PCDHGB5: variants seen among roughly 807,000 people sequenced by gnomAD.
PCDHGB5 encodes the protein protocadherin gamma-B5.
PCDHGB5 carries 48 observed loss-of-function variants against 62.9 expected under a neutral mutation model. The ratio of observed to expected loss-of-function variants is 0.76; its 90% CI spans 0.61 to 0.97. The LOEUF is 0.97. Among genes scored for constraint, PCDHGB5 ranks in the 50% least tolerant of loss-of-function variants. PCDHGB5 has a pLI of 0.00. For synonymous variants in PCDHGB5, 474 were observed against 511.2 expected (o/e 0.93, Z 0.98); for missense variants, 1,118 against 1,198.6 (o/e 0.93, Z 0.99).
At chr5:141,410,142 G>C in intron 1 of PCDHGB5, 1 of 1,612,730 alleles carries the variant, frequency 6.2e-7, no homozygotes, top group African/African-American at 1.3e-5. Context: ...GTCGCTGTGC[G>C]TGACGGTGGA....
chr5:141,486,706 C>T lies in PCDHGB5; in HGVS notation c.2398-8101C>T. 1.2e-6 allele frequency: 2 copies of T among 1,614,154 alleles called. No homozygotes were observed. Among genetic ancestry groups the T allele is most frequent in the Admixed American group, 1.7e-5 (1 of 60,020 alleles). On this transcript the variant is annotated intron_variant, in intron 1 of 3. Transcript: ENST00000617380. This position sits in a 1 kb window ranked among gnomAD's most constrained non-coding sequence, Gnocchi z 5.0. ...CAGCTTCCTCTTTCATCTCTCTGAACCCCCAGACAGGAGCTGTTCATGCTA... is the reference window on the plus strand; with the variant it reads ...CAGCTTCCTCTTTCATCTCTCTGAATCCCCAGACAGGAGCTGTTCATGCTA...
At chr5:141,433,207 TC>T (rs780557883) in intron 1 of PCDHGB5, 10 of 1,568,868 alleles carry the variant, frequency 6.4e-6, no homozygotes, top group African/African-American at 1.4e-5. Flanking sequence ...AAATCTTCTT[TC>T]TTTTTTTTTT....
At position 141,476,513 on chromosome 5, in the gene PCDHGB5, C is replaced by T; in HGVS notation, c.2398-18294C>T. 1 of 1,614,196 alleles carries T rather than the reference C, an allele frequency of 6.2e-7. No individual in the cohort carries two copies. Among genetic ancestry groups the T allele is most frequent in the Non-Finnish European group, 8.5e-7 (1 of 1,180,034 alleles). On this transcript the variant is annotated intron_variant, in intron 1 of 3. Coordinates refer to ENST00000617380, the MANE Select transcript of PCDHGB5 (RefSeq NM_018925.3). The surrounding 1 kb of genome is among the most constrained non-coding windows in gnomAD (Gnocchi z 7.6). ...GATCCAGGACATCAACGACAACAAT[C>T]CTGCTTTCCCTACCCAGGAAATGAA...
rs758205179 is a variant in PCDHGB5 at position 141,477,813 on chromosome 5, A to G, written c.2398-16994A>G. ...ACTGATCGCAATGACAATGCCCCCC[A>G]GGTCCTATATCCTCGGCCAGGTGGG... On this transcript the variant is annotated intron_variant, in intron 1 of 3. Transcript: ENST00000617380. This position sits in a 1 kb window ranked among gnomAD's most constrained non-coding sequence, Gnocchi z 4.9. The G allele has an allele frequency of 8.1e-6, 13 of 1,614,002 alleles. No homozygotes were observed. The East Asian group carries it at 2.7e-4, about 33-fold the overall frequency.
chr5:141,422,809 G>A (rs1169197801), intron 1 of PCDHGB5: 8 of 1,614,232 alleles, frequency 5.0e-6, no homozygotes, highest in Non-Finnish European at 6.8e-6. Context: ...GCAGTTTCGA[G>A]ACTTAGAACT....
intron 1 of PCDHGB5, chr5:141,411,396 C>G (rs985023346): frequency 2.1e-5 from 3 of 145,420 alleles, no homozygotes; most frequent in African/African-American, 5.1e-5. Context: ...ATAGGGAGAC[C>G]CCCCATCTCT....
Position 141,489,079 on chromosome 5 carries a change from C to CCCCA in PCDHGB5, c.2398-5727_2398-5726insCCAC. ...CTCCCCTCCCCCCTGCCCACCCCCGCCACTCGGTGACTAAGAACTGCTGCA... is the reference window on the plus strand; with the variant it reads ...CTCCCCTCCCCCCTGCCCACCCCCGCCCCACACTCGGTGACTAAGAACTGCTGCA... On this transcript the variant is annotated intron_variant, in intron 1 of 3. Transcript: ENST00000617380. This position sits in a 1 kb window ranked among gnomAD's most constrained non-coding sequence, Gnocchi z 4.5. The CCCCA allele has an allele frequency of 9.1e-6, 3 of 329,992 alleles. No homozygotes were observed. Among genetic ancestry groups the CCCCA allele is most frequent in the African/African-American group, 2.4e-5 (1 of 41,312 alleles). The allele number at this position is 329,992 out of a possible 1,614,324, so 20.4% of individuals were successfully genotyped here.
intron 1 of PCDHGB5, among the ~76,000 whole-genome samples, chr5:141,435,395 C>T (rs946113643): frequency 5.3e-5 from 8 of 152,198 alleles, no homozygotes; most frequent in East Asian, 3.9e-4. Context: ...ATTGCCATGA[C>T]GAAAAATGGT....
At chr5:141,435,954 G>A (rs1163590812) in intron 1 of PCDHGB5, among the ~76,000 whole-genome samples, 2 of 152,092 alleles carry the variant, frequency 1.3e-5, no homozygotes, top group African/African-American at 2.4e-5. Flanking sequence ...AAAAAAGGGG[G>A]CAAAATATAG....
intron 1 of PCDHGB5, among the ~76,000 whole-genome samples, chr5:141,445,945 C>G (rs1433543714): frequency 1.3e-5 from 2 of 152,254 alleles, no homozygotes; most frequent in Non-Finnish European, 2.9e-5. Flanking sequence ...TAAGCTTACT[C>G]TGGCTGCTAT....
chr5:141,424,768 A>G (rs143190880), intron 1 of PCDHGB5: 38 of 152,284 alleles, frequency 2.5e-4, no homozygotes, highest in African/African-American at 9.1e-4. Context: ...TCTTATGGCA[A>G]ATAGTACATT....
intron 1 of PCDHGB5, among the ~76,000 whole-genome samples, chr5:141,469,731 C>A (rs1332201791): frequency 6.6e-6 from 1 of 152,214 alleles, no homozygotes; most frequent in Non-Finnish European, 1.5e-5. Context: ...ATCATAAATA[C>A]ACACCTCAAA....
intron 1 of PCDHGB5, chr5:141,433,325 C>CA: frequency 2.8e-6 from 2 of 726,266 alleles, no homozygotes; most frequent in Non-Finnish European, 4.5e-6. Context: ...TCCGGTGTAA[C>CA]AGGGACTACA....
At chr5:141,475,871 A>G (rs568810142) in intron 1 of PCDHGB5, 17 of 513,152 alleles carry the variant, frequency 3.3e-5, no homozygotes, top group Middle Eastern at 5.1e-4. Context: ...TTCTTCGTGC[A>G]GTTATTGGCT....
intron 1 of PCDHGB5, among the ~76,000 whole-genome samples, chr5:141,401,154 C>A (rs753624238): frequency 6.6e-5 from 10 of 152,086 alleles, no homozygotes; most frequent in Non-Finnish European, 1.5e-4. Context: ...CCAGCCTGGG[C>A]AATATGGTGA....
intron 1 of PCDHGB5, chr5:141,414,389 A>G: frequency 1.9e-6 from 3 of 1,613,926 alleles, no homozygotes; most frequent in African/African-American, 2.7e-5. Context: ...ATTGACAGTT[A>G]TTACAGATTG....
rs745638360 is a variant in PCDHGB5, at chr5:141,410,529, A to G, written c.2397+10005A>G. Reference sequence around the variant, plus strand: ...AAATGCAGTGTGCCCCTACATTCCAATGAAGACATGGTTTGCAGTGTTTCT... The same window carrying G: ...AAATGCAGTGTGCCCCTACATTCCAGTGAAGACATGGTTTGCAGTGTTTCT... On this transcript the variant is annotated intron_variant, in intron 1 of 3. Transcript: ENST00000617380. The G allele has an allele frequency of 3.1e-6, 5 of 1,613,804 alleles. No individual in the cohort carries two copies. The Admixed American group carries it at 5.0e-5, about 16-fold the overall frequency.
intron 1 of PCDHGB5, among the ~76,000 whole-genome samples, chr5:141,479,036 G>C (rs1202411463): frequency 1.3e-5 from 2 of 152,012 alleles, no homozygotes; most frequent in Non-Finnish European, 2.9e-5. Flanking sequence ...TATACAGATC[G>C]TGTACCTCAT....
At chr5:141,427,957 C>A in intron 1 of PCDHGB5, 2 of 1,588,400 alleles carry the variant, frequency 1.3e-6, no homozygotes, top group Non-Finnish European at 1.7e-6. Flanking sequence ...GACAATGTGC[C>A]GCGGGTGCTG....
Sources: gnomAD v4.1 joint callset for allele counts (sites outside exome capture counted in the v4.1 genomes callset) on GRCh38, gnomAD v4.1.1 for gene constraint, Gnocchi (gnomAD v3.1) non-coding constraint, MANE v1.5 for transcripts, NCBI Gene and HGNC (gene_info 2026-07-23, HGNC 2026-07-21) for gene names.